Variants in PIP4K2C observed in about 807,000 individuals in gnomAD.
PIP4K2C encodes the protein phosphatidylinositol-5-phosphate 4-kinase type 2 gamma, also known as phosphatidylinositol 5-phosphate 4-kinase type-2 gamma.
Under a neutral mutation model 45.0 loss-of-function variants are expected in PIP4K2C, and 21 were observed. The ratio of observed to expected loss-of-function variants is 0.47; its 90% CI spans 0.33 to 0.67. The LOEUF is 0.67. Among genes scored for constraint, PIP4K2C ranks in the 30% least tolerant of loss-of-function variants. The pLI is 0.02. For missense variants in PIP4K2C, 456 were observed against 542.8 expected (o/e 0.84, Z 1.59); for synonymous variants, 201 against 204.8 (o/e 0.98, Z 0.16).
Position 57,601,718 on chromosome 12 carries a change from T to G in PIP4K2C, c.*112T>G. The G allele has an allele frequency of 1.1e-6, 1 of 919,654 alleles. No homozygotes were observed. The highest frequency in any genetic ancestry group is 1.4e-5 in the South Asian group (1 of 73,666). The allele number at this position is 919,654 out of a possible 1,614,324, so 57.0% of individuals were successfully genotyped here. A position where few individuals can be genotyped will look rare whatever the true frequency, so the allele number is the denominator to read the frequency against. ...TCTTCTTCCTTTGCTAAATTCAGGC[T>G]GCAGGCTCCTTCCATCCAGATAACT... On this transcript the variant is annotated 3_prime_UTR_variant, in exon 10 of 10. Coordinates refer to ENST00000354947, the MANE Select transcript of PIP4K2C (RefSeq NM_024779.5).
intron 6 of PIP4K2C, 60 bp downstream of exon 6, chr12:57,599,498 G>A: frequency 6.3e-7 from 1 of 1,581,532 alleles, no homozygotes. Flanking sequence ...CAGATGAGGG[G>A]AACTTCTTAG....
At position 57,601,645 on chromosome 12, in the gene PIP4K2C, G is replaced by A. The variant is rs1196603798; in HGVS notation, c.*39G>A. 2.0e-6 allele frequency: 3 copies of A among 1,517,068 alleles called. No homozygotes were observed. The highest frequency in any genetic ancestry group is 2.7e-6 in the Non-Finnish European group (3 of 1,091,708). 94.0% of individuals were successfully genotyped at this position (1,517,068 alleles called of 1,614,324 possible). A position where few individuals can be genotyped will look rare whatever the true frequency, so the allele number is the denominator to read the frequency against. On this transcript the variant is annotated 3_prime_UTR_variant, in exon 10 of 10. Coordinates refer to ENST00000354947, the MANE Select transcript of PIP4K2C (RefSeq NM_024779.5). ...TCTCTCTGATGTTCAAGGTGGTGGG[G>A]TTCTGAGACACTTGGGGGAATTGTG...
At chr12:57,595,071 A>C in intron 2 of PIP4K2C, 55 bp from the exon 3 acceptor site, 1 of 1,109,792 alleles carries the variant, frequency 9.0e-7, no homozygotes, top group Non-Finnish European at 1.4e-6. Flanking sequence ...TAAACTACCA[A>C]GTGTATGTAA....
At position 57,599,064 on chromosome 12, in the gene PIP4K2C, G is replaced by C; in HGVS notation, c.514-1G>C. The stretch of plus-strand genomic sequence containing the variant: ...CATTCCTTCCCCCTCTTTCACTGTA[G>C]TACATTGTGAAGTGCCATGGCAACA... On this transcript the variant is annotated splice_acceptor_variant, in intron 4 of 9. Transcript: ENST00000354947. LOFTEE classifies it high-confidence loss of function. 1 of 1,613,932 alleles carries C rather than the reference G, an allele frequency of 6.2e-7. No individual in the cohort carries two copies. Among genetic ancestry groups the C allele is most frequent in the Non-Finnish European group, 8.5e-7 (1 of 1,179,876 alleles).
At chr12:57,598,693 C>G (rs1211226407) in intron 4 of PIP4K2C, among the ~76,000 whole-genome samples, 1 of 151,838 alleles carries the variant, frequency 6.6e-6, no homozygotes, top group Non-Finnish European at 1.5e-5. Context: ...AAACACTGCT[C>G]TAGATAAAAT....
chr12:57,599,258 G>C, intron 5 of PIP4K2C, 47 bp downstream of exon 5: 1 of 1,610,250 alleles, frequency 6.2e-7, no homozygotes, highest in Non-Finnish European at 8.5e-7. Context: ...CTGATAGCCT[G>C]AGAATGGGGA....
intron 6 of PIP4K2C, 68 bp from the exon 7 acceptor site, chr12:57,600,256 C>A: frequency 2.1e-6 from 2 of 939,110 alleles, no homozygotes; most frequent in Non-Finnish European, 3.4e-6. Context: ...GAGCCCTAGA[C>A]AGAAGGTGGG....
intron 4 of PIP4K2C, among the ~76,000 whole-genome samples, chr12:57,596,568 C>G (rs1883205505): frequency 6.6e-6 from 1 of 151,444 alleles, no homozygotes. Context: ...AAACACTCTT[C>G]TTGAACATCT....
At chr12:57,593,268 T>A (rs1012349140) in intron 1 of PIP4K2C, among the ~76,000 whole-genome samples, 2 of 152,086 alleles carry the variant, frequency 1.3e-5, no homozygotes, top group Non-Finnish European at 2.9e-5. Flanking sequence ...CGGCTCAGGA[T>A]TTTTAAGTAC....
intron 6 of PIP4K2C, 64 bp from the exon 7 acceptor site, chr12:57,600,260 A>G: frequency 2.1e-6 from 2 of 965,088 alleles, no homozygotes; most frequent in Non-Finnish European, 3.2e-6. Context: ...CCTAGACAGA[A>G]GGTGGGGTTC....
rs1173188710 is a variant in PIP4K2C at position 57,600,973 on chromosome 12, G to A, written c.976G>A (p.Gly326Ser). Residue 326 changes from glycine to serine, a missense_variant, in exon 8 of 10, where the codon GGC (glycine) becomes AGC (serine). Around this residue, in one of 2 missense-constraint regions of PIP4K2C, gnomAD observed 421 missense variants for 473.1 expected, o/e 0.89. Transcript: ENST00000354947. ...ACCTCCTGCTCTGGTGGGCTCCTAT[G>A]GCACCTCCCCAGAGGGTATCGGAGG... is the stretch of plus-strand genomic sequence containing the variant. Reference protein sequence around the residue: ...TGPPALVGSYGTSPEGIGGYI... With the variant: ...TGPPALVGSYSTSPEGIGGYI... 6.2e-7 allele frequency: 1 copy of A among 1,614,196 alleles called. No homozygotes were observed.
At position 57,594,052 on chromosome 12, in the gene PIP4K2C, C is replaced by G; in HGVS notation, c.202C>G (p.Pro68Ala). The G allele has an allele frequency of 6.2e-7, 1 of 1,613,992 alleles. No homozygotes were observed. The highest frequency in any genetic ancestry group is 2.2e-5 in the East Asian group (1 of 44,878). ...CAATGAGCTCAGCCAGGTGCCTCCCCCGGTGATGCTGCTGCCAGATGACTT... is the reference window on the plus strand; with the variant it reads ...CAATGAGCTCAGCCAGGTGCCTCCCGCGGTGATGCTGCTGCCAGATGACTT... The part of the protein sequence containing the change: ...SINELSQVPP[P>A]VMLLPDDFKA... The change falls in exon 2 of 10, where the codon CCG becomes GCG. Residue 68 changes from proline (P) to alanine (A), a missense_variant. Coordinates refer to ENST00000354947, the MANE Select transcript of PIP4K2C (RefSeq NM_024779.5).
At chr12:57,591,749 A>C (rs758800917) in intron 1 of PIP4K2C, among the ~76,000 whole-genome samples, 1 of 151,906 alleles carries the variant, frequency 6.6e-6, no homozygotes, top group East Asian at 1.9e-4. Context: ...CTTCAGCCTC[A>C]GGCTACGCGG....
chr12:57,601,436 G>C (rs1883433785), intron 9 of PIP4K2C, 88 bp downstream of exon 9: 3 of 1,530,374 alleles, frequency 2.0e-6, no homozygotes, highest in Admixed American at 1.7e-5. Context: ...GGTGGCAAAA[G>C]AATGGAGGTG....
chr12:57,591,879 G>A (rs985587404), intron 1 of PIP4K2C, among the ~76,000 whole-genome samples: 4 of 152,042 alleles, frequency 2.6e-5, no homozygotes, highest in African/African-American at 9.7e-5. Context: ...GGATGAAAAG[G>A]TTCTTTCACT....
intron 1 of PIP4K2C, among the ~76,000 whole-genome samples, chr12:57,593,372 T>C (rs532386756): frequency 1.3e-5 from 2 of 152,284 alleles, no homozygotes; most frequent in South Asian, 2.1e-4. Flanking sequence ...GTGGATTAGT[T>C]TGGCTTTAGG....
chr12:57,591,831 G>T (rs1882974947), intron 1 of PIP4K2C, among the ~76,000 whole-genome samples: 1 of 152,160 alleles, frequency 6.6e-6, no homozygotes, highest in Non-Finnish European at 1.5e-5. Context: ...TTGTTGGTGA[G>T]AGTGTAGGTG....
rs1883499395 is a variant in PIP4K2C at position 57,602,829 on chromosome 12, T to C, written c.*1223T>C. The C allele has an allele frequency of 1.3e-5, 2 of 152,690 alleles. No individual in the cohort carries two copies. Among genetic ancestry groups the C allele is most frequent in the Admixed American group, 6.5e-5 (1 of 15,282 alleles). The allele number at this position is 152,690 out of a possible 1,614,324, so 9.5% of individuals were successfully genotyped here. ...AATCACTCAGCCCCTCCAAAGATAGTTGATGTGTGATAATCTCATAATGTT... is the reference window on the plus strand; with the variant it reads ...AATCACTCAGCCCCTCCAAAGATAGCTGATGTGTGATAATCTCATAATGTT... On this transcript the variant is annotated 3_prime_UTR_variant, in exon 10 of 10. Coordinates refer to ENST00000354947, the MANE Select transcript of PIP4K2C (RefSeq NM_024779.5).
In PIP4K2C at chr12:57,596,082, T is replaced by C. The variant is rs778270131; in HGVS notation, c.513+51T>C. 2.9e-5 allele frequency: 46 copies of C among 1,567,076 alleles called. 1 individual carries two copies. The highest frequency in any genetic ancestry group is 2.7e-4 in the South Asian group (24 of 89,594). On this transcript the variant is annotated intron_variant, in intron 4 of 9. Transcript: ENST00000354947. ...TTTCCCTCTCCTCCCTACTCACATA[T>C]AGCTCAGCTATTGTCAGTAATAGAT...
Sources: allele counts gnomAD v4.1 joint callset (sites outside exome capture counted in the v4.1 genomes callset), GRCh38; gene constraint gnomAD v4.1.1; regional missense constraint gnomAD v4.1.1; transcripts MANE v1.5; gene names NCBI Gene and HGNC (gene_info 2026-07-23, HGNC 2026-07-21).